Variants in NIPBL observed in about 807,000 individuals in gnomAD.
NIPBL encodes nipped-B-like protein.
In NIPBL, 19 loss-of-function variants were observed where a neutral mutation model predicts 321.8. The ratio of observed to expected loss-of-function variants is 0.06; its 90% CI spans 0.04 to 0.09. The LOEUF (loss-of-function observed/expected upper bound fraction) is 0.09. Ranked by LOEUF, NIPBL falls within the 10% of genes least tolerant of loss-of-function variation. The probability of loss-of-function intolerance (pLI) is 1.00; values close to 1 mark genes in which losing one functional copy is unlikely to be tolerated. For missense variants in NIPBL, 2,210 were observed against 3,327.0 expected (o/e 0.66, Z 8.26); for synonymous variants, 1,106 against 1,114.1 (o/e 0.99, Z 0.14).
At chr5:36,945,138 C>A (rs993830648) in intron 1 of NIPBL, among the ~76,000 whole-genome samples, 36 of 152,110 alleles carry the variant, frequency 2.4e-4, no homozygotes, top group African/African-American at 8.7e-4. Context: ...TTCATAGACG[C>A]GCTTGGAAAT....
chr5:37,026,460 A>G (rs1389294751), intron 31 of NIPBL, 133 bp downstream of exon 31: 4 of 691,760 alleles, frequency 5.8e-6, no homozygotes, highest in East Asian at 2.8e-5. Flanking sequence ...CCTTTACTTT[A>G]TATTTCTGGA....
At chr5:36,894,047 T>C (rs1329837578) in intron 1 of NIPBL, among the ~76,000 whole-genome samples, 1 of 152,184 alleles carries the variant, frequency 6.6e-6, no homozygotes, top group Non-Finnish European at 1.5e-5. Flanking sequence ...CTTAAAAATA[T>C]AAACCATGCC....
At chr5:36,945,772 A>T (rs915942390) in intron 1 of NIPBL, among the ~76,000 whole-genome samples, 1 of 152,118 alleles carries the variant, frequency 6.6e-6, no homozygotes, top group Non-Finnish European at 1.5e-5. Flanking sequence ...TTGAGGTAGG[A>T]TTTGAGGAAG....
intron 11 of NIPBL, among the ~76,000 whole-genome samples, chr5:36,998,698 TC>T (rs1246058811): frequency 6.6e-6 from 1 of 152,044 alleles, no homozygotes; most frequent in Non-Finnish European, 1.5e-5. Flanking sequence ...TTAGTTGTCA[TC>T]CCTTGTAATG....
chr5:37,027,436 T>C, intron 32 of NIPBL, 24 bp downstream of exon 32: 1 of 1,591,842 alleles, frequency 6.3e-7, no homozygotes, highest in Non-Finnish European at 8.6e-7. Flanking sequence ...TGACTCCTGA[T>C]AACCTAAAAT....
intron 1 of NIPBL, among the ~76,000 whole-genome samples, chr5:36,892,976 C>A (rs1746457203): frequency 1.3e-5 from 2 of 152,102 alleles, no homozygotes; most frequent in African/African-American, 2.4e-5. Context: ...TATAATCTTA[C>A]TTGATTAAAT....
chr5:36,961,441 T>C (rs763266896), intron 4 of NIPBL, 43 bp from the exon 5 acceptor site: 17 of 1,113,570 alleles, frequency 1.5e-5, no homozygotes, highest in Admixed American at 1.7e-5. Flanking sequence ...GACACTTTAC[T>C]GTTAGAAGAA....
chr5:36,954,356 T>C (rs1047754495), intron 2 of NIPBL, among the ~76,000 whole-genome samples: 1 of 152,178 alleles, frequency 6.6e-6, no homozygotes, highest in Non-Finnish European at 1.5e-5. Flanking sequence ...TTTCTGGCTT[T>C]TGTTTTGTTT....
At chr5:36,959,319 T>C (rs899828040) in intron 4 of NIPBL, among the ~76,000 whole-genome samples, 8 of 152,366 alleles carry the variant, frequency 5.3e-5, no homozygotes, top group African/African-American at 1.7e-4. Context: ...TTAAATAATA[T>C]TGCTTTGCTG....
intron 1 of NIPBL, among the ~76,000 whole-genome samples, chr5:36,936,953 G>A (rs1411883898): frequency 2.0e-5 from 3 of 151,884 alleles, no homozygotes; most frequent in Non-Finnish European, 2.9e-5. Flanking sequence ...CCTACAATTA[G>A]GGAGGCTAAT....
rs759079809 is a variant in NIPBL at position 37,045,488 on chromosome 5, A to G, written c.6389A>G (p.Asn2130Ser). ...AGTCAACACCAAGAGGACCCAAATA[A>G]CACTTCACTTCTAACAAACAAACCA... is the stretch of plus-strand genomic sequence containing the variant. ...LKSQHQEDPN[N>S]TSLLTNKPAL... Residue 2130 changes from asparagine to serine, a missense_variant, in exon 37 of 47, where the codon AAC becomes AGC. Asn to Ser is a conservative substitution (Grantham distance 46). This residue lies in a region of NIPBL where 73 missense variants were observed against 222.3 expected (regional missense o/e 0.33). Transcript: ENST00000282516. 7.4e-6 allele frequency: 12 copies of G among 1,613,998 alleles called. No individual in the cohort carries two copies. Among genetic ancestry groups the G allele is most frequent in the Non-Finnish European group, 9.3e-6 (11 of 1,179,912 alleles).
chr5:36,890,280 G>C (rs1273418201), intron 1 of NIPBL, among the ~76,000 whole-genome samples: 1 of 152,140 alleles, frequency 6.6e-6, no homozygotes, highest in Non-Finnish European at 1.5e-5. Context: ...TATTCGCTTA[G>C]AGTAGAATCT....
intron 2 of NIPBL, 127 bp from the exon 3 acceptor site, chr5:36,955,345 A>G (rs1243669040): frequency 1.3e-6 from 1 of 784,668 alleles, no homozygotes; most frequent in Non-Finnish European, 2.2e-6. Context: ...TAGGAAGAGG[A>G]GGAATGCCTT....
intron 1 of NIPBL, among the ~76,000 whole-genome samples, chr5:36,889,051 A>G (rs1201083957): frequency 6.6e-6 from 1 of 152,124 alleles, no homozygotes; most frequent in Non-Finnish European, 1.5e-5. Context: ...TAAGCACTCA[A>G]CAAACAATTG....
chr5:36,953,786 T>G, intron 2 of NIPBL, 26 bp downstream of exon 2: 1 of 1,555,600 alleles, frequency 6.4e-7, no homozygotes, highest in South Asian at 1.1e-5. Flanking sequence ...TTATCTAATT[T>G]AAGTTCTACT....
intron 42 of NIPBL, among the ~76,000 whole-genome samples, chr5:37,053,140 G>T (rs957916375): frequency 1.3e-5 from 2 of 152,132 alleles, no homozygotes; most frequent in African/African-American, 2.4e-5. Flanking sequence ...TGCATAGTTA[G>T]GCGATTTCTT....
intron 1 of NIPBL, among the ~76,000 whole-genome samples, chr5:36,902,446 G>A (rs943696459): frequency 2.6e-5 from 4 of 152,168 alleles, no homozygotes; most frequent in African/African-American, 9.7e-5. Context: ...GTGGTGAAAG[G>A]AAGAGGTCCA....
intron 6 of NIPBL, 42 bp downstream of exon 6, chr5:36,962,316 C>T (rs755179849): frequency 2.6e-5 from 41 of 1,603,960 alleles, no homozygotes; most frequent in Non-Finnish European, 3.3e-5. Context: ...TGTCTAAGTG[C>T]TTTAATTCCA....
At chr5:37,022,181 C>G in intron 28 of NIPBL, 32 bp downstream of exon 28, 1 of 1,612,930 alleles carries the variant, frequency 6.2e-7, no homozygotes, top group Non-Finnish European at 8.5e-7. Flanking sequence ...TTCTTTTCTA[C>G]TCGAATTGGA....
Sources: allele counts gnomAD v4.1 joint callset (sites outside exome capture counted in the v4.1 genomes callset), GRCh38; gene constraint gnomAD v4.1.1; regional missense constraint gnomAD v4.1.1; transcripts MANE v1.5; gene names NCBI Gene and HGNC (gene_info 2026-07-23, HGNC 2026-07-21).